Variants in LMO7 observed in about 807,000 individuals in gnomAD.
LMO7 encodes the protein LIM domain 7, also known as LIM domain only protein 7.
Under a neutral mutation model 206.5 loss-of-function variants are expected in LMO7, and 120 were observed. The ratio of observed to expected loss-of-function variants is 0.58; its 90% CI spans 0.50 to 0.68. The LOEUF (loss-of-function observed/expected upper bound fraction) is 0.68, where lower values mean the gene tolerates loss of function less well. Ranked by LOEUF, LMO7 falls within the 30% of genes least tolerant of loss-of-function variation. LMO7 has a pLI of 0.00. For missense variants in LMO7, 1,959 were observed against 1,957.9 expected (o/e 1.00, Z -0.01); for synonymous variants, 706 against 681.5 (o/e 1.04, Z -0.56).
chr13:75,737,782 T>TAAAAAAAAAAAA (rs71127577), intron 3 of LMO7, among the ~76,000 whole-genome samples: 3 of 36,338 alleles, frequency 8.3e-5, no homozygotes, highest in African/African-American at 1.6e-4. Flanking sequence ...TAAAATAAAA[T>TAAAAAAAAAAAA]AAAAAAAAAA....
intron 6 of LMO7, among the ~76,000 whole-genome samples, chr13:75,797,979 A>T (rs114648880): frequency 2.7e-3 from 405 of 152,340 alleles, no homozygotes; most frequent in Middle Eastern, 0.014. Flanking sequence ...CACTGCAATG[A>T]AGAATGGTGA....
At position 75,849,148 on chromosome 13, in the gene LMO7, T is replaced by C; in HGVS notation, c.4220T>C (p.Val1407Ala). 1 of 1,613,556 alleles carries C rather than the reference T, an allele frequency of 6.2e-7. No individual in the cohort carries two copies. The highest frequency in any genetic ancestry group is 8.5e-7 in the Non-Finnish European group (1 of 1,179,516). The change falls in exon 27 of 31, where the codon GTA (valine) becomes GCA (alanine). Residue 1407 changes from valine (V) to alanine (A), a missense_variant. Physicochemically the swap from Val to Ala is moderately conservative, Grantham distance 64. Transcript: ENST00000377534. Reference protein sequence around the residue: ...SSQRRSKKEQVPSGAELERQQ... With the variant: ...SSQRRSKKEQAPSGAELERQQ... ...CAGAGGAGATCCAAGAAAGAACAAGTACCATCAGGAGCAGAATTGGAGAGG... is the reference window on the plus strand; with the variant it reads ...CAGAGGAGATCCAAGAAAGAACAAGCACCATCAGGAGCAGAATTGGAGAGG...
At chr13:75,729,627 C>T (rs991027595) in intron 3 of LMO7, among the ~76,000 whole-genome samples, 2 of 150,718 alleles carry the variant, frequency 1.3e-5, no homozygotes, top group Non-Finnish European at 3.0e-5. Context: ...ATTTCCTTCT[C>T]CTGCCTAATT....
At chr13:75,810,260 A>G (rs565179756) in intron 11 of LMO7, among the ~76,000 whole-genome samples, 1 of 152,338 alleles carries the variant, frequency 6.6e-6, no homozygotes, top group Admixed American at 6.5e-5. Flanking sequence ...TTAAAGGATG[A>G]CAGATGTTTT....
intron 1 of LMO7, among the ~76,000 whole-genome samples, chr13:75,622,769 C>T (rs769422438): frequency 1.3e-5 from 2 of 152,114 alleles, no homozygotes; most frequent in African/African-American, 2.4e-5. Flanking sequence ...TGTTTTATTG[C>T]GTTGGCTGAA....
At chr13:75,742,276 G>A (rs2046477660) in intron 3 of LMO7, among the ~76,000 whole-genome samples, 1 of 152,146 alleles carries the variant, frequency 6.6e-6, no homozygotes, top group African/African-American at 2.4e-5. Flanking sequence ...TCATGAATTA[G>A]AAGAATCAAA....
intron 1 of LMO7, among the ~76,000 whole-genome samples, chr13:75,654,940 C>T (rs1460093401): frequency 2.0e-5 from 3 of 147,922 alleles, no homozygotes; most frequent in South Asian, 2.1e-4. Context: ...GGTACGATCT[C>T]GGCTCACTGC....
Position 75,823,717 on chromosome 13 carries a change from GAC to G in LMO7, c.2795_2796del (p.Thr932LysfsTer21). 6.2e-7 allele frequency: 1 copy of G among 1,614,102 alleles called. No homozygotes were observed. The highest frequency in any genetic ancestry group is 8.5e-7 in the Non-Finnish European group (1 of 1,180,008). On this transcript the variant is annotated frameshift_variant, in exon 15 of 31. Coordinates refer to ENST00000377534, the MANE Select transcript of LMO7 (RefSeq NM_001306080.2). LOFTEE classifies it high-confidence loss of function. ...AGGTAGCAGCAACAGAAGAAGATGT[GAC>G]AAGGCTGCCCTCTCCTACATCCCCC... ...KEVAATEEDV[T>X]RLPSPTSPFS...
chr13:75,713,181 G>A lies in LMO7; in HGVS notation c.70-1G>A. On this transcript the variant is annotated splice_acceptor_variant, in intron 1 of 30. Coordinates refer to ENST00000377534, the MANE Select transcript of LMO7 (RefSeq NM_001306080.2). LOFTEE classifies it high-confidence loss of function. ...AATTAACAACCAAACCTATCTTTCAGGCAGTAACAGAGAAGAATTTTGAAA... is the reference window on the plus strand; with the variant it reads ...AATTAACAACCAAACCTATCTTTCAAGCAGTAACAGAGAAGAATTTTGAAA... The A allele has an allele frequency of 6.2e-7, 1 of 1,611,426 alleles. No individual in the cohort carries two copies. Among genetic ancestry groups the A allele is most frequent in the Non-Finnish European group, 8.5e-7 (1 of 1,178,374 alleles).
At chr13:75,701,963 T>C (rs933662849) in intron 1 of LMO7, among the ~76,000 whole-genome samples, 6 of 152,220 alleles carry the variant, frequency 3.9e-5, no homozygotes, top group Admixed American at 2.6e-4. Context: ...TTTTATTTAG[T>C]TTTTCTTCCA....
At chr13:75,811,760 T>C (rs1203905095) in intron 11 of LMO7, among the ~76,000 whole-genome samples, 7 of 152,218 alleles carry the variant, frequency 4.6e-5, no homozygotes, top group African/African-American at 1.7e-4. Flanking sequence ...TATGGTTTCA[T>C]GAAACTTGAA....
intron 3 of LMO7, among the ~76,000 whole-genome samples, chr13:75,739,658 C>T (rs897388458): frequency 6.6e-6 from 1 of 152,232 alleles, no homozygotes; most frequent in Non-Finnish European, 1.5e-5. Context: ...CCCTCACTCT[C>T]CCACGGCAAA....
chr13:75,803,838 A>G (rs1217508553), intron 7 of LMO7, among the ~76,000 whole-genome samples: 2 of 151,308 alleles, frequency 1.3e-5, no homozygotes, highest in Admixed American at 1.3e-4. Flanking sequence ...TTCTCTTTCT[A>G]CATCCTTCCT....
chr13:75,818,881 C>T (rs2057314536), intron 12 of LMO7, among the ~76,000 whole-genome samples: 1 of 152,170 alleles, frequency 6.6e-6, no homozygotes, highest in Admixed American at 6.5e-5. Flanking sequence ...TTGAGGGGAA[C>T]AGTGCCCTAT....
intron 1 of LMO7, among the ~76,000 whole-genome samples, chr13:75,658,052 C>G (rs376621422): frequency 2.0e-5 from 3 of 148,716 alleles, no homozygotes; most frequent in African/African-American, 7.4e-5. Flanking sequence ...TTCCCAGCAC[C>G]GTTTTGGCTT....
chr13:75,710,857 G>C (rs964295465), intron 1 of LMO7, among the ~76,000 whole-genome samples: 111 of 151,972 alleles, frequency 7.3e-4, no homozygotes, highest in African/African-American at 2.5e-3. Context: ...TGGTGAGAGA[G>C]GGCATCCCAG....
chr13:75,630,516 TAC>T (rs949782424), intron 2 of LMO7, among the ~76,000 whole-genome samples: 16 of 151,928 alleles, frequency 1.1e-4, no homozygotes, highest in African/African-American at 3.9e-4. Context: ...CTACAAAAAA[TAC>T]AAAAATTACA....
At chr13:75,733,753 C>T (rs542234712) in intron 3 of LMO7, among the ~76,000 whole-genome samples, 1 of 152,334 alleles carries the variant, frequency 6.6e-6, no homozygotes, top group East Asian at 1.9e-4. Context: ...TGAGCTGTTC[C>T]TATTCGGCCA....
intron 1 of LMO7, among the ~76,000 whole-genome samples, chr13:75,640,826 G>T (rs183602150): frequency 6.6e-6 from 1 of 152,162 alleles, no homozygotes; most frequent in African/African-American, 2.4e-5. Context: ...CAGTTGTTTG[G>T]TTGGAACCTG....
Sources: allele counts gnomAD v4.1 joint callset (sites outside exome capture counted in the v4.1 genomes callset), GRCh38; gene constraint gnomAD v4.1.1; transcripts MANE v1.5; gene names NCBI Gene and HGNC (gene_info 2026-07-23, HGNC 2026-07-21).